Variants in TAF9 observed in about 807,000 individuals in gnomAD.
The protein encoded by TAF9 is TATA-box binding protein associated factor 9, also known as transcription initiation factor TFIID subunit 9.
In TAF9, 10 loss-of-function variants were observed where a neutral mutation model predicts 16.5. The ratio of observed to expected loss-of-function variants is 0.61; its 90% confidence interval spans 0.37 to 1.03. The LOEUF (loss-of-function observed/expected upper bound fraction) is 1.03, where lower values mean the gene tolerates loss of function less well. TAF9 is among the 50% of genes least tolerant of loss of function. The pLI, the probability that TAF9 is intolerant of heterozygous loss-of-function variation, is 0.01. For missense variants in TAF9, 288 were observed against 319.1 expected (o/e 0.90, Z 0.74); for synonymous variants, 105 against 120.5 (o/e 0.87, Z 0.84).
At chr5:69,366,359 T>C (rs1411812033) in intron 2 of TAF9, 144 bp downstream of exon 2, 2 of 639,900 alleles carry the variant, frequency 3.1e-6, no homozygotes, top group Non-Finnish European at 2.7e-6. Context: ...ACACTTAATA[T>C]TTCTGTGGAT....
chr5:69,366,108 G>A (rs1762412189), intron 2 of TAF9, among the ~76,000 whole-genome samples: 1 of 152,134 alleles, frequency 6.6e-6, no homozygotes, highest in Non-Finnish European at 1.5e-5. Flanking sequence ...GCATAGTCAG[G>A]TCCCACACCT....
intron 1 of TAF9, 36 bp from the exon 2 acceptor site, chr5:69,366,631 A>G (rs1762438352): frequency 1.4e-6 from 2 of 1,440,338 alleles, no homozygotes; most frequent in East Asian, 4.5e-5. Flanking sequence ...CTGTTTGTGA[A>G]ATACTACTTA....
At position 69,365,601 on chromosome 5, in the gene TAF9, T is replaced by A. The variant is rs200198878; in HGVS notation, c.137A>T (p.Tyr46Phe). The part of the protein sequence containing the change: ...INQMLEFAFR[Y>F]VTTILDDAKI... The stretch of plus-strand genomic sequence containing the variant: ...TGCATCATCTAGAATTGTGGTCACA[T>A]ATCGGAAGGCAAACTCCAACATCTG... Residue 46 changes from tyrosine (Y) to phenylalanine (F), a missense_variant, in exon 3 of 3, where the codon TAT becomes TTT. Tyr to Phe is a conservative substitution (Grantham distance 22). Coordinates refer to ENST00000217893, the MANE Select transcript of TAF9 (RefSeq NM_003187.5). The A allele has an allele frequency of 1.2e-6, 2 of 1,614,172 alleles. No individual in the cohort carries two copies. The highest frequency in any genetic ancestry group is 2.7e-5 in the African/African-American group (2 of 75,060).
At position 69,365,538 on chromosome 5, in the gene TAF9, T is replaced by C. The variant is rs1215579147; in HGVS notation, c.200A>G (p.Asp67Gly). ...YSSHAKKATV[D>G]ADDVRLAIQC... is the part of the protein sequence containing the mutation. The stretch of plus-strand genomic sequence containing the variant: ...GATTGCCAATCGCACATCATCTGCA[T>C]CAACAGTAGCTTTCTTAGCATGGCT... The change falls in exon 3 of 3, where the codon GAT (aspartate) becomes GGT (glycine). Residue 67 changes from aspartate to glycine, a missense_variant. By Grantham distance (94) the Asp-to-Gly change is moderately conservative. Transcript: ENST00000217893. 1 of 1,613,870 alleles carries C rather than the reference T, an allele frequency of 6.2e-7. No individual in the cohort carries two copies. Among genetic ancestry groups the C allele is most frequent in the Non-Finnish European group, 8.5e-7 (1 of 1,179,928 alleles).
chr5:69,369,678 C>G (rs1762793125), upstream of TAF9: 1 of 1,555,594 alleles, frequency 6.4e-7, no homozygotes, highest in Non-Finnish European at 8.7e-7. Flanking sequence ...TGACACATTT[C>G]CGTCGCAAAG....
Position 69,365,524 on chromosome 5 carries a change from G to T in TAF9, c.214C>A (p.Arg72=), listed in dbSNP as rs1178884229. 3 of 1,613,648 alleles carry T rather than the reference G, an allele frequency of 1.9e-6. No homozygotes were observed. Among genetic ancestry groups the T allele is most frequent in the Non-Finnish European group, 2.5e-6 (3 of 1,179,780 alleles). Residue 72 remains arginine, a synonymous_variant, in exon 3 of 3, where the codon CGA becomes AGA. Coordinates refer to ENST00000217893, the MANE Select transcript of TAF9 (RefSeq NM_003187.5). ...TCAGCGCGGCACTGGATTGCCAATC[G>T]CACATCATCTGCATCAACAGTAGCT... ...KKATVDADDV[R]LAIQCRADQS...
intron 1 of TAF9, 193 bp downstream of exon 1, chr5:69,369,270 C>T (rs948717754): frequency 1.1e-5 from 2 of 176,664 alleles, no homozygotes; most frequent in African/African-American, 2.9e-5. Flanking sequence ...ACGGAATTAA[C>T]GTTCCGCGTC....
At chr5:69,369,419 C>A in intron 1 of TAF9, 44 bp downstream of exon 1, 7 of 1,602,686 alleles carry the variant, frequency 4.4e-6, no homozygotes, top group Non-Finnish European at 6.0e-6. Flanking sequence ...ACTCTGCGCC[C>A]CCAGCCTGCC....
At position 69,369,480 on chromosome 5, in the gene TAF9, G is replaced by A. The variant is rs146960635; in HGVS notation, c.-128C>T. 1.9e-6 allele frequency: 3 copies of A among 1,611,118 alleles called. No homozygotes were observed. Among genetic ancestry groups the A allele is most frequent in the African/African-American group, 1.3e-5 (1 of 74,706 alleles). On this transcript the variant is annotated 5_prime_UTR_variant, in exon 1 of 3. Coordinates refer to ENST00000217893, the MANE Select transcript of TAF9 (RefSeq NM_003187.5). ...GCCCTGACCGGTGAGCAGGATGTTC[G>A]GAAGCAACATGGTCCCCGCCGCGAC...
upstream of TAF9, chr5:69,369,803 G>A: frequency 7.9e-7 from 1 of 1,264,128 alleles, no homozygotes; most frequent in South Asian, 1.4e-5. Flanking sequence ...CAGTCTGGAA[G>A]GTCCCCGGGA....
At position 69,364,816 on chromosome 5, in the gene TAF9, T is replaced by C; in HGVS notation, c.*127A>G. ...AAACCTTCATTTCAATTGAAAAGTA[T>C]GGTAACTGTGTTTACTCATTATTAT... is the stretch of plus-strand genomic sequence containing the variant. On this transcript the variant is annotated 3_prime_UTR_variant, in exon 3 of 3. Transcript: ENST00000217893. The C allele has an allele frequency of 2.4e-6, 2 of 843,678 alleles. No homozygotes were observed. Among genetic ancestry groups the C allele is most frequent in the Non-Finnish European group, 3.7e-6 (2 of 536,200 alleles). 52.3% of individuals were successfully genotyped at this position (843,678 alleles called of 1,614,324 possible). A position where few individuals can be genotyped will look rare whatever the true frequency, so the allele number is the denominator to read the frequency against.
At position 69,364,941 on chromosome 5, in the gene TAF9, G is replaced by A. The variant is rs138549217; in HGVS notation, c.*2C>T. On this transcript the variant is annotated 3_prime_UTR_variant, in exon 3 of 3. Coordinates refer to ENST00000217893, the MANE Select transcript of TAF9 (RefSeq NM_003187.5). Reference sequence around the variant, plus strand: ...ATACATGTTACATTCAGCAAGGCTAGATTACAGATTATCATAGTCATCATC... The same window carrying A: ...ATACATGTTACATTCAGCAAGGCTAAATTACAGATTATCATAGTCATCATC... The A allele has an allele frequency of 4.4e-6, 7 of 1,605,460 alleles. No homozygotes were observed. The African/African-American group carries it at 8.0e-5, about 18-fold the overall frequency.
upstream of TAF9, chr5:69,369,715 G>A (rs758535619): frequency 6.4e-6 from 10 of 1,550,846 alleles, no homozygotes; most frequent in African/African-American, 1.4e-5. Flanking sequence ...ACTCGGGTCG[G>A]TACTTCGGGT....
Position 69,369,484 on chromosome 5 carries a change from G to A in TAF9, c.-132C>T, listed in dbSNP as rs1327105532. On this transcript the variant is annotated 5_prime_UTR_variant, in exon 1 of 3. Coordinates refer to ENST00000217893, the MANE Select transcript of TAF9 (RefSeq NM_003187.5). ...TGACCGGTGAGCAGGATGTTCGGAAGCAACATGGTCCCCGCCGCGACGGCT... is the reference window on the plus strand; with the variant it reads ...TGACCGGTGAGCAGGATGTTCGGAAACAACATGGTCCCCGCCGCGACGGCT... 1.9e-6 allele frequency: 3 copies of A among 1,611,386 alleles called. No homozygotes were observed. Among genetic ancestry groups the A allele is most frequent in the Middle Eastern group, 1.7e-4 (1 of 5,814 alleles).
At chr5:69,369,702 A>C (rs765805325), upstream of TAF9, 36 of 1,552,296 alleles carry the variant, frequency 2.3e-5, no homozygotes, top group Admixed American at 2.0e-5. Context: ...GAGGGTGGGC[A>C]TAACTCGGGT....
rs1164562731 is a variant in TAF9, at chr5:69,365,266, T to C, written c.472A>G (p.Ser158Gly). Residue 158 changes from serine to glycine, a missense_variant, in exon 3 of 3, where the codon AGT becomes GGT. Physicochemically the swap from Ser to Gly is moderately conservative, Grantham distance 56. Transcript: ENST00000217893. ...GTTGGTGTGCCTAGTGTGGGAGTAC[T>C]TGGTCTGCTAGTAACTGAACCAACA... ...LSVGSVTSRP[S>G]TPTLGTPTPQ... The C allele has an allele frequency of 6.2e-7, 1 of 1,614,090 alleles. No individual in the cohort carries two copies. Among genetic ancestry groups the C allele is most frequent in the Admixed American group, 1.7e-5 (1 of 59,998 alleles).
chr5:69,367,342 C>A (rs944748944), intron 1 of TAF9, among the ~76,000 whole-genome samples: 1 of 151,594 alleles, frequency 6.6e-6, no homozygotes, highest in Non-Finnish European at 1.5e-5. Flanking sequence ...GAAACTACAT[C>A]TCTATTAAAA....
In TAF9 at chr5:69,365,506, G is replaced by A. The variant is rs776144481; in HGVS notation, c.232C>T (p.Arg78Cys). 10 of 1,613,786 alleles carry A rather than the reference G, an allele frequency of 6.2e-6. No homozygotes were observed. The highest frequency in any genetic ancestry group is 2.7e-5 in the African/African-American group (2 of 74,920). ...ADDVRLAIQC[R>C]ADQSFTSPPP... ...GGAGAGGTAAAAGACTGATCAGCGC[G>A]GCACTGGATTGCCAATCGCACATCA... is the stretch of plus-strand genomic sequence containing the variant. Residue 78 changes from arginine (R) to cysteine (C), a missense_variant, in exon 3 of 3, where the codon CGC becomes TGC. Physicochemically the swap from Arg to Cys is radical, Grantham distance 180. Coordinates refer to ENST00000217893, the MANE Select transcript of TAF9 (RefSeq NM_003187.5).
chr5:69,369,621 C>T (rs771075533), upstream of TAF9: 2 of 1,572,632 alleles, frequency 1.3e-6, no homozygotes, highest in Admixed American at 3.8e-5. Flanking sequence ...GCGCCCCTAG[C>T]CTGCCCCGGC....
Sources: gnomAD v4.1 joint callset for allele counts (sites outside exome capture counted in the v4.1 genomes callset) on GRCh38, gnomAD v4.1.1 for gene constraint, MANE v1.5 for transcripts, NCBI Gene and HGNC (gene_info 2026-07-23, HGNC 2026-07-21) for gene names.